Variants in ZCCHC2 observed in about 807,000 individuals in gnomAD.
ZCCHC2 encodes the protein zinc finger CCHC-type containing 2, also known as zinc finger CCHC domain-containing protein 2.
In ZCCHC2, 39 loss-of-function variants were observed where a neutral mutation model predicts 103.6. The ratio of observed to expected loss-of-function variants is 0.38; its 90% CI spans 0.29 to 0.49. The LOEUF (loss-of-function observed/expected upper bound fraction) is 0.49. ZCCHC2 is among the 20% of genes least tolerant of loss of function. The probability of loss-of-function intolerance (pLI) is 0.96; values close to 1 mark genes in which losing one functional copy is unlikely to be tolerated. For missense variants in ZCCHC2, 1,483 were observed against 1,491.0 expected (o/e 0.99, Z 0.09); for synonymous variants, 687 against 608.9 (o/e 1.13, Z -1.89).
chr18:62,574,403 G>A lies in ZCCHC2; in HGVS notation c.2322G>A (p.Gly774=). Residue 774 remains glycine, a synonymous_variant, in exon 13 of 14, where the codon GGG becomes GGA. Coordinates refer to ENST00000269499, the MANE Select transcript of ZCCHC2 (RefSeq NM_017742.6). ...ATTCAACCCCTGTTGGAATACTAGG[G>A]CCAACAGCTTGCACTGGAGAATCGG... The part of the protein sequence containing the change: ...SANSTPVGIL[G]PTACTGESEK... The A allele has an allele frequency of 6.2e-7, 1 of 1,613,958 alleles. No individual in the cohort carries two copies. The highest frequency in any genetic ancestry group is 8.5e-7 in the Non-Finnish European group (1 of 1,179,886).
At chr18:62,555,606 C>T (rs751559613) in intron 5 of ZCCHC2, among the ~76,000 whole-genome samples, 26 of 152,048 alleles carry the variant, frequency 1.7e-4, no homozygotes, top group Non-Finnish European at 3.2e-4. Flanking sequence ...GTCAGGAGTT[C>T]GAGACTAGCC....
At chr18:62,564,869 A>G (rs1916280747) in intron 10 of ZCCHC2, 133 bp from the exon 11 acceptor site, 2 of 730,308 alleles carry the variant, frequency 2.7e-6, no homozygotes, top group Non-Finnish European at 4.4e-6. Context: ...GGAAGGGCGA[A>G]TCTTAATTGT....
intron 3 of ZCCHC2, 55 bp from the exon 4 acceptor site, chr18:62,544,747 A>G (rs1291488041): frequency 4.5e-5 from 65 of 1,458,426 alleles, no homozygotes; most frequent in Non-Finnish European, 5.9e-5. Context: ...GCTTTTTTCT[A>G]GCCGGTTCCT....
chr18:62,546,886 T>G (rs1791992984), intron 4 of ZCCHC2, among the ~76,000 whole-genome samples: 1 of 152,254 alleles, frequency 6.6e-6, no homozygotes, highest in Non-Finnish European at 1.5e-5. Context: ...GATATAATGT[T>G]TTTCTCAAGT....
intron 7 of ZCCHC2, among the ~76,000 whole-genome samples, chr18:62,560,086 G>A (rs1056869031): frequency 3.3e-5 from 5 of 152,202 alleles, no homozygotes; most frequent in Admixed American, 2.0e-4. Flanking sequence ...GCACTAGAAT[G>A]TTTCAACAAG....
intron 1 of ZCCHC2, among the ~76,000 whole-genome samples, chr18:62,534,070 G>A (rs960271100): frequency 6.0e-5 from 9 of 150,560 alleles, no homozygotes; most frequent in African/African-American, 2.2e-4. Flanking sequence ...TTCAATGGGT[G>A]GATGCTGACT....
chr18:62,585,745 A>G (rs1383540843), exon 15 of ZCCHC2: 1 of 152,252 alleles, frequency 6.6e-6, no homozygotes, highest in Non-Finnish European at 1.5e-5. Context: ...TGTCTGACAC[A>G]TAGTGGACTC....
intron 1 of ZCCHC2, chr18:62,525,541 G>A (rs1914344002): frequency 6.6e-6 from 1 of 152,138 alleles, no homozygotes; most frequent in African/African-American, 2.4e-5. Context: ...CAGTACCCCA[G>A]AACTAAAATT....
intron 12 of ZCCHC2, among the ~76,000 whole-genome samples, 153 bp from the exon 13 acceptor site, chr18:62,573,904 G>A (rs1033601206): frequency 1.3e-5 from 2 of 152,170 alleles, no homozygotes; most frequent in Non-Finnish European, 2.9e-5. Context: ...ATAGAAAGCC[G>A]AAAGTTAAAG....
At chr18:62,527,701 G>C (rs565398577) in intron 1 of ZCCHC2, among the ~76,000 whole-genome samples, 60 of 152,244 alleles carry the variant, frequency 3.9e-4, no homozygotes, top group Non-Finnish European at 6.8e-4. Context: ...TACTGTGAGT[G>C]TCCTAGGAAC....
In ZCCHC2 at chr18:62,577,505, C is replaced by T. The variant is rs1250922163; in HGVS notation, c.*926C>T. ...TACTTGAGTGAAGATTTCTTCTTTC[C>T]CTGTACCAGCTGTTACAGTGTTACG... On this transcript the variant is annotated 3_prime_UTR_variant, in exon 14 of 14. Coordinates refer to ENST00000269499, the MANE Select transcript of ZCCHC2 (RefSeq NM_017742.6). 2 of 152,510 alleles carry T rather than the reference C, an allele frequency of 1.3e-5. No individual in the cohort carries two copies. Among genetic ancestry groups the T allele is most frequent in the Non-Finnish European group, 2.9e-5 (2 of 68,028 alleles). 9.4% of individuals were successfully genotyped at this position (152,510 alleles called of 1,614,324 possible).
chr18:62,526,264 C>T (rs1039517028), intron 1 of ZCCHC2: 3 of 152,242 alleles, frequency 2.0e-5, no homozygotes, highest in Non-Finnish European at 4.4e-5. Context: ...CTGCCATTAA[C>T]GTCAGCACAT....
intron 1 of ZCCHC2, among the ~76,000 whole-genome samples, chr18:62,532,427 A>G (rs369275464): frequency 1.3e-5 from 2 of 152,034 alleles, no homozygotes; most frequent in South Asian, 4.1e-4. Flanking sequence ...TAGCCTTCCC[A>G]CTTCTAATCG....
chr18:62,578,050 T>G lies in ZCCHC2; in HGVS notation c.*1471T>G, dbSNP rs1916925337. ...GTCTTGGTTCAGAAGCCTAACAGATTGCTAGACAAGAGAAAAAACTTGAAG... is the reference window on the plus strand; with the variant it reads ...GTCTTGGTTCAGAAGCCTAACAGATGGCTAGACAAGAGAAAAAACTTGAAG... On this transcript the variant is annotated 3_prime_UTR_variant, in exon 14 of 14. Transcript: ENST00000269499. 6.6e-6 allele frequency: 1 copy of G among 152,508 alleles called. No individual in the cohort carries two copies. The highest frequency in any genetic ancestry group is 6.5e-5 in the Admixed American group (1 of 15,276). The allele number at this position is 152,508 out of a possible 1,614,324, so 9.4% of individuals were successfully genotyped here.
intron 1 of ZCCHC2, among the ~76,000 whole-genome samples, chr18:62,530,530 C>G (rs35307891): frequency 2.0e-5 from 3 of 151,674 alleles, no homozygotes; most frequent in Non-Finnish European, 4.4e-5. Context: ...TTTTTTTAAC[C>G]TAATAAAAAT....
At chr18:62,582,975 A>G (rs1310211445), downstream of ZCCHC2, among the ~76,000 whole-genome samples, 2 of 150,900 alleles carry the variant, frequency 1.3e-5, no homozygotes, top group Non-Finnish European at 3.0e-5. Context: ...CTGGTGGTCT[A>G]TGCCTGTAGT....
At chr18:62,537,243 G>A (rs8088959) in intron 1 of ZCCHC2, among the ~76,000 whole-genome samples, 123,444 of 152,046 alleles carry the variant, frequency 0.81, 50,837 homozygotes, top group African/African-American at 0.95. Context: ...CAGTGGCGCA[G>A]TCATGGGTCA....
intron 5 of ZCCHC2, among the ~76,000 whole-genome samples, chr18:62,550,942 G>A (rs1598946440): frequency 6.6e-6 from 1 of 152,158 alleles, no homozygotes; most frequent in East Asian, 1.9e-4. Flanking sequence ...GGCTTGTTGG[G>A]AAAGATGCGC....
intron 9 of ZCCHC2, 111 bp downstream of exon 9, chr18:62,563,255 A>AG: frequency 7.6e-7 from 1 of 1,321,460 alleles, no homozygotes; most frequent in Non-Finnish European, 1.0e-6. Context: ...TAAGAAATGA[A>AG]GGAATGTTTA....
Sources: allele counts gnomAD v4.1 joint callset (sites outside exome capture counted in the v4.1 genomes callset), GRCh38; gene constraint gnomAD v4.1.1; transcripts MANE v1.5; gene names NCBI Gene and HGNC (gene_info 2026-07-23, HGNC 2026-07-21).